Variants in ADK observed in about 807,000 individuals in gnomAD.
ADK encodes the protein adenosine kinase.
Under a neutral mutation model 44.7 loss-of-function variants are expected in ADK, and 24 were observed. The ratio of observed to expected loss-of-function variants is 0.54; its 90% CI spans 0.39 to 0.76. The LOEUF (loss-of-function observed/expected upper bound fraction) is 0.76. Ranked by LOEUF, ADK falls within the 30% of genes least tolerant of loss-of-function variation. ADK has a pLI of 0.00. For missense variants in ADK, 321 were observed against 425.1 expected (o/e 0.76, Z 2.15); for synonymous variants, 128 against 142.6 (o/e 0.90, Z 0.73).
chr10:74,544,437 T>C (rs1298593038), intron 7 of ADK, among the ~76,000 whole-genome samples: 1 of 152,214 alleles, frequency 6.6e-6, no homozygotes, highest in Non-Finnish European at 1.5e-5. Flanking sequence ...TATACCAGTT[T>C]AAGGGTTAAT....
At chr10:74,345,497 G>A (rs1048957583) in intron 4 of ADK, among the ~76,000 whole-genome samples, 4 of 152,026 alleles carry the variant, frequency 2.6e-5, no homozygotes, top group African/African-American at 7.2e-5. Context: ...TTGCAGAGAC[G>A]AGGTCTCACT....
At chr10:74,695,642 G>A (rs969180526) in intron 10 of ADK, among the ~76,000 whole-genome samples, 1 of 151,616 alleles carries the variant, frequency 6.6e-6, no homozygotes, top group African/African-American at 2.4e-5. Flanking sequence ...GTGTGTGTGT[G>A]TGTGTGTGTG....
chr10:74,670,223 G>T lies in ADK; in HGVS notation c.918G>T (p.Gln306His), dbSNP rs775855794. The change falls in exon 10 of 11, where the codon CAG becomes CAT. Residue 306 changes from glutamine to histidine, a missense_variant. Gln to His is a conservative substitution (Grantham distance 24, BLOSUM62 0). Coordinates refer to ENST00000539909, the MANE Select transcript of ADK (RefSeq NM_006721.4). ...CTTTTGCTGTCTTGGATCAAGACCA[G>T]AAAGAAATTATTGATACCAATGGAG... ...VTAFAVLDQD[Q>H]KEIIDTNGAG... 6.2e-7 allele frequency: 1 copy of T among 1,613,994 alleles called. No individual in the cohort carries two copies. The highest frequency in any genetic ancestry group is 2.2e-5 in the East Asian group (1 of 44,830).
chr10:74,164,974 A>C (rs1201761567), intron 1 of ADK, among the ~76,000 whole-genome samples: 3 of 152,212 alleles, frequency 2.0e-5, no homozygotes, highest in Admixed American at 2.0e-4. Context: ...AGGCTCTCTC[A>C]GCCTTTCTCT....
chr10:74,509,852 C>G (rs1234758455), intron 6 of ADK, among the ~76,000 whole-genome samples: 1 of 152,080 alleles, frequency 6.6e-6, no homozygotes. Flanking sequence ...CTTTCTGTTC[C>G]TAACATTTCA....
intron 6 of ADK, among the ~76,000 whole-genome samples, chr10:74,524,646 GCCT>G (rs1373498537): frequency 6.6e-6 from 1 of 152,156 alleles, no homozygotes; most frequent in Non-Finnish European, 1.5e-5. Context: ...GCCCACCTTG[GCCT>G]CCCAAAGTGC....
chr10:74,435,231 G>T (rs552655912), intron 6 of ADK, among the ~76,000 whole-genome samples: 2 of 152,266 alleles, frequency 1.3e-5, no homozygotes, highest in African/African-American at 2.4e-5. Context: ...TGAGATCAAA[G>T]GTTTATAGAT....
chr10:74,509,123 C>T (rs1335883834), intron 6 of ADK, among the ~76,000 whole-genome samples: 1 of 152,106 alleles, frequency 6.6e-6, no homozygotes, highest in Admixed American at 6.5e-5. Context: ...TGCAGCTGGG[C>T]CTGGCTTAGT....
chr10:74,596,444 A>G (rs897405809), intron 8 of ADK, among the ~76,000 whole-genome samples: 1 of 152,172 alleles, frequency 6.6e-6, no homozygotes. Flanking sequence ...ACTGAAATGC[A>G]ATGATACGGT....
At chr10:74,494,410 T>C (rs1178820334) in intron 6 of ADK, among the ~76,000 whole-genome samples, 1 of 152,162 alleles carries the variant, frequency 6.6e-6, no homozygotes, top group Non-Finnish European at 1.5e-5. Flanking sequence ...TATACAGATG[T>C]ATGTATTATT....
At chr10:74,655,552 G>T in intron 9 of ADK, 2 of 493,614 alleles carry the variant, frequency 4.1e-6, no homozygotes, top group South Asian at 3.3e-5. Context: ...TTAAACCTTG[G>T]CTGGCTGGCC....
At chr10:74,502,492 T>C (rs929957418) in intron 6 of ADK, among the ~76,000 whole-genome samples, 24 of 152,270 alleles carry the variant, frequency 1.6e-4, no homozygotes, top group African/African-American at 5.8e-4. Context: ...GCCTGGCTTA[T>C]GAACTGCAAC....
chr10:74,504,847 G>A (rs1211055978), intron 6 of ADK, among the ~76,000 whole-genome samples: 1 of 152,092 alleles, frequency 6.6e-6, no homozygotes, highest in Non-Finnish European at 1.5e-5. Flanking sequence ...CTTCTGCCAT[G>A]ATTGTGTTTC....
intron 9 of ADK, among the ~76,000 whole-genome samples, chr10:74,663,177 G>C (rs1854809931): frequency 6.6e-6 from 1 of 151,156 alleles, no homozygotes; most frequent in Non-Finnish European, 1.5e-5. Context: ...GGAGGTTGAA[G>C]TGAGCCAAGA....
intron 9 of ADK, among the ~76,000 whole-genome samples, chr10:74,605,930 G>C (rs1257691178): frequency 2.0e-5 from 3 of 152,074 alleles, no homozygotes; most frequent in East Asian, 1.9e-4. Context: ...ACTTGTTATT[G>C]GTCTATTTAG....
At chr10:74,322,145 A>G (rs1021060471) in intron 4 of ADK, among the ~76,000 whole-genome samples, 17 of 152,226 alleles carry the variant, frequency 1.1e-4, no homozygotes, top group Admixed American at 2.0e-4. Context: ...TAGAAAAGCT[A>G]GTTAGAGGTT....
chr10:74,629,238 C>G (rs1159860499), intron 9 of ADK, among the ~76,000 whole-genome samples: 1 of 152,044 alleles, frequency 6.6e-6, no homozygotes, highest in East Asian at 1.9e-4. Context: ...CTGTGTTGTC[C>G]AGGCTGATTT....
chr10:74,166,629 A>G (rs964978206), intron 1 of ADK, among the ~76,000 whole-genome samples: 1 of 151,470 alleles, frequency 6.6e-6, no homozygotes, highest in African/African-American at 2.4e-5. Context: ...GGAAGTTGCA[A>G]TAAGCCAAGA....
chr10:74,292,094 T>C (rs1426582014), intron 3 of ADK, among the ~76,000 whole-genome samples: 1 of 152,182 alleles, frequency 6.6e-6, no homozygotes, highest in Non-Finnish European at 1.5e-5. Context: ...TTAACATCTC[T>C]CTCCCTCTCT....
Sources: allele counts gnomAD v4.1 joint callset (sites outside exome capture counted in the v4.1 genomes callset), GRCh38; gene constraint gnomAD v4.1.1; transcripts MANE v1.5; gene names NCBI Gene and HGNC (gene_info 2026-07-23, HGNC 2026-07-21).